The following GRM5 variants were observed in gnomAD, a reference collection of about 807,000 sequenced individuals.
GRM5 encodes glutamate metabotropic receptor 5.
In GRM5, 19 loss-of-function variants were observed where a neutral mutation model predicts 83.1. That is an observed-to-expected ratio of 0.23 (90% confidence interval 0.16 to 0.34). The LOEUF (loss-of-function observed/expected upper bound fraction) is 0.34. GRM5 is among the 10% of genes least tolerant of loss of function. The pLI is 1.00. For missense variants in GRM5, 1,160 were observed against 1,588.3 expected (o/e 0.73, Z 4.58); for synonymous variants, 675 against 633.6 (o/e 1.07, Z -0.98).
At chr11:88,589,303 A>G (rs564463497) in intron 7 of GRM5, among the ~76,000 whole-genome samples, 10 of 152,282 alleles carry the variant, frequency 6.6e-5, no homozygotes, top group East Asian at 3.9e-4. Context: ...CTTTGTGTTT[A>G]GAACTGGGGA....
chr11:89,017,822 T>A (rs919592863), intron 2 of GRM5, among the ~76,000 whole-genome samples: 2 of 152,170 alleles, frequency 1.3e-5, no homozygotes, highest in African/African-American at 4.8e-5. Flanking sequence ...ATCTACAGAA[T>A]GTTTGGTTTT....
intron 3 of GRM5, among the ~76,000 whole-genome samples, chr11:88,713,354 T>A (rs1045947450): frequency 3.3e-5 from 5 of 152,030 alleles, no homozygotes; most frequent in African/African-American, 1.2e-4. Flanking sequence ...ATTTCCATCA[T>A]GTGTAAAATA....
intron 3 of GRM5, among the ~76,000 whole-genome samples, chr11:88,768,108 T>G (rs988910385): frequency 1.3e-5 from 2 of 151,954 alleles, no homozygotes; most frequent in African/African-American, 4.8e-5. Context: ...CCCAAAACGT[T>G]GAAAACAAGG....
chr11:88,936,987 G>A (rs1411289753), intron 2 of GRM5, among the ~76,000 whole-genome samples: 10 of 151,744 alleles, frequency 6.6e-5, no homozygotes, highest in Admixed American at 6.6e-5. Flanking sequence ...GAAGCTGGAA[G>A]ATTCCCAAAG....
At chr11:89,063,721 G>C (rs1447207156) in intron 1 of GRM5, 1 of 152,204 alleles carries the variant, frequency 6.6e-6, no homozygotes, top group Non-Finnish European at 1.5e-5. Flanking sequence ...GAGCGGAGGA[G>C]GGAGGGGTGG....
intron 4 of GRM5, among the ~76,000 whole-genome samples, chr11:88,644,058 C>T (rs1031747651): frequency 4.6e-5 from 7 of 152,182 alleles, no homozygotes; most frequent in African/African-American, 1.4e-4. Context: ...AACTTGCACA[C>T]ATTCTACAAA....
At chr11:89,059,204 G>T (rs1591085670) in intron 1 of GRM5, among the ~76,000 whole-genome samples, 1 of 152,116 alleles carries the variant, frequency 6.6e-6, no homozygotes, top group East Asian at 1.9e-4. Context: ...TCTTGAATCT[G>T]ATATATTTGC....
Position 88,643,953 on chromosome 11 carries a change from G to A in GRM5, c.1147+9215C>T, listed in dbSNP as rs1017450053. Among the ~76,000 whole-genome samples the A allele has an allele frequency of 1.3e-5, 2 of 152,174 alleles. 1 individual carries two copies. Among genetic ancestry groups the A allele is most frequent in the Admixed American group, 1.3e-4 (2 of 15,264 alleles). On this transcript the variant is annotated intron_variant, in intron 4 of 9. Coordinates refer to ENST00000305447, the MANE Select transcript of GRM5 (RefSeq NM_001143831.3). ...AGACATATTCATCAGAGAGATTGTA[G>A]ACAACTCTAGATTGAAACTTACTTT...
chr11:88,670,282 T>A (rs977133022), intron 3 of GRM5, among the ~76,000 whole-genome samples: 1 of 151,934 alleles, frequency 6.6e-6, no homozygotes, highest in African/African-American at 2.4e-5. Context: ...AATGATAAAA[T>A]AATAAATCTT....
chr11:88,836,661 G>A (rs909257068), intron 3 of GRM5, among the ~76,000 whole-genome samples: 1 of 152,072 alleles, frequency 6.6e-6, no homozygotes, highest in Non-Finnish European at 1.5e-5. Flanking sequence ...TGGGCATGGT[G>A]GTGCATGTCT....
rs71265014 is a variant in GRM5, at chr11:88,558,799, C to CAA, written c.2630+8252_2630+8253dup. ...CTGGCAACAGAGTGAGACTCCATCT[C>CAA]AAAAAAAAAAAAAAAAAAAAAAAAA... On this transcript the variant is annotated intron_variant, in intron 8 of 9. Coordinates refer to ENST00000305447, the MANE Select transcript of GRM5 (RefSeq NM_001143831.3). Among the ~76,000 whole-genome samples the CAA allele has an allele frequency of 5.6e-3, 122 of 21,886 alleles. 8 individuals carry two copies. Among genetic ancestry groups the CAA allele is most frequent in the East Asian group, 0.019 (11 of 584 alleles). 14.4% of individuals were successfully genotyped at this position (21,886 alleles called of 152,430 possible). A position where few individuals can be genotyped will look rare whatever the true frequency, so the allele number is the denominator to read the frequency against.
At chr11:88,700,837 G>C (rs939474501) in intron 3 of GRM5, among the ~76,000 whole-genome samples, 5 of 152,160 alleles carry the variant, frequency 3.3e-5, no homozygotes, top group African/African-American at 1.2e-4. Flanking sequence ...GTACAACTGA[G>C]ATACTGGCTT....
intron 8 of GRM5, among the ~76,000 whole-genome samples, chr11:88,540,761 GAC>G (rs1242026970): frequency 1.3e-5 from 2 of 151,644 alleles, no homozygotes; most frequent in African/African-American, 4.8e-5. Flanking sequence ...ATTTTTTTGA[GAC>G]AGAGTCTCGC....
chr11:89,007,051 C>G (rs924125330), intron 2 of GRM5, among the ~76,000 whole-genome samples: 1 of 152,322 alleles, frequency 6.6e-6, no homozygotes, highest in South Asian at 2.1e-4. Context: ...CCCGTCTTGG[C>G]CTCCCAAAGT....
chr11:88,991,249 A>C (rs1939957535), intron 2 of GRM5, among the ~76,000 whole-genome samples: 1 of 152,168 alleles, frequency 6.6e-6, no homozygotes, highest in African/African-American at 2.4e-5. Flanking sequence ...ATCATGAGTG[A>C]ACTCCCATTC....
At chr11:88,901,122 T>C (rs1945307901) in intron 2 of GRM5, among the ~76,000 whole-genome samples, 1 of 152,094 alleles carries the variant, frequency 6.6e-6, no homozygotes, top group African/African-American at 2.4e-5. Context: ...GGGAGAGCCC[T>C]AGAGGAATGC....
chr11:88,556,714 G>A (rs1279256782), intron 8 of GRM5, among the ~76,000 whole-genome samples: 2 of 152,056 alleles, frequency 1.3e-5, no homozygotes, highest in Non-Finnish European at 2.9e-5. Context: ...TAGAGGCTCT[G>A]AGAATTTAAG....
chr11:88,833,155 TA>T (rs1410526686), intron 3 of GRM5, among the ~76,000 whole-genome samples: 5 of 151,956 alleles, frequency 3.3e-5, no homozygotes, highest in African/African-American at 1.2e-4. Context: ...GTGAAGAACA[TA>T]ATCAACAGAG....
intron 2 of GRM5, among the ~76,000 whole-genome samples, chr11:88,857,534 C>T (rs1193718741): frequency 1.3e-5 from 2 of 151,934 alleles, no homozygotes; most frequent in African/African-American, 4.8e-5. Flanking sequence ...CCAAAATGGC[C>T]AGGAGTGGGA....
Sources: allele counts gnomAD v4.1 joint callset (sites outside exome capture counted in the v4.1 genomes callset), GRCh38; gene constraint gnomAD v4.1.1; transcripts MANE v1.5; gene names NCBI Gene and HGNC (gene_info 2026-07-23, HGNC 2026-07-21).